ZBTB37: variants seen among roughly 807,000 people sequenced by gnomAD.
ZBTB37 encodes zinc finger and BTB domain-containing protein 37.
ZBTB37 carries 15 observed loss-of-function variants against 37.7 expected under a neutral mutation model. The ratio of observed to expected loss-of-function variants is 0.40; its 90% CI spans 0.27 to 0.61. The LOEUF (loss-of-function observed/expected upper bound fraction) is 0.61, where lower values mean the gene tolerates loss of function less well. ZBTB37 is among the 20% of genes least tolerant of loss of function. The pLI is 0.44. For synonymous variants in ZBTB37, 231 were observed against 220.6 expected, an observed-to-expected ratio of 1.05 and a Z score of -0.42; for missense variants, 514 against 641.9, an observed-to-expected ratio of 0.80 and a Z score of 2.15.
At chr1:173,884,192 C>A (rs770130147) in intron 4 of ZBTB37, among the ~76,000 whole-genome samples, 3 of 150,052 alleles carry the variant, frequency 2.0e-5, no homozygotes. Flanking sequence ...TGCTTTGTCA[C>A]CCAGCCTGGA....
chr1:173,896,542 A>G (rs2102764048), exon 4 of ZBTB37: 1 of 152,360 alleles, frequency 6.6e-6, no homozygotes, highest in South Asian at 2.1e-4. Flanking sequence ...TCATTTAAAT[A>G]ATTCTTAAAT....
chr1:173,882,565 A>G (rs546604715), intron 4 of ZBTB37, among the ~76,000 whole-genome samples: 114 of 152,242 alleles, frequency 7.5e-4, no homozygotes, highest in African/African-American at 2.3e-3. Context: ...TTTGCTGTGC[A>G]GAAGCTCTTT....
At chr1:173,882,934 G>T (rs1384718320) in intron 4 of ZBTB37, among the ~76,000 whole-genome samples, 2 of 152,116 alleles carry the variant, frequency 1.3e-5, no homozygotes, top group South Asian at 2.1e-4. Flanking sequence ...CATTTATTCA[G>T]TACTTTAGTG....
intron 2 of ZBTB37, 39 bp from the exon 3 acceptor site, chr1:173,870,161 T>C (rs778056870): frequency 3.7e-6 from 5 of 1,341,350 alleles, no homozygotes; most frequent in Non-Finnish European, 5.0e-6. Context: ...GAAGTAAAAT[T>C]ATAATTATTA....
intron 4 of ZBTB37, among the ~76,000 whole-genome samples, chr1:173,875,234 C>T (rs1655881675): frequency 2.0e-5 from 3 of 147,048 alleles, no homozygotes; most frequent in South Asian, 4.3e-4. Context: ...ACTATATATA[C>T]TATATATACT....
chr1:173,887,712 GTTCTT>G (rs1656686115), downstream of ZBTB37: 2 of 152,152 alleles, frequency 1.3e-5, no homozygotes. Flanking sequence ...AGTTGTTGGG[GTTCTT>G]TTAAGTATGT....
chr1:173,898,554 C>T (rs972355271), exon 4 of ZBTB37: 4 of 152,030 alleles, frequency 2.6e-5, no homozygotes, highest in African/African-American at 7.2e-5. Context: ...CCACACCTGG[C>T]CCATGATGGA....
At chr1:173,899,973 C>A (rs16846561) in exon 4 of ZBTB37, 1 of 152,082 alleles carries the variant, frequency 6.6e-6, no homozygotes, top group East Asian at 1.9e-4. Flanking sequence ...TCTCTAGAAT[C>A]CTCTTTCTTT....
chr1:173,897,910 TCAAA>T (rs908903027), exon 4 of ZBTB37: 1 of 152,230 alleles, frequency 6.6e-6, no homozygotes, highest in African/African-American at 2.4e-5. Flanking sequence ...GTTGCCCAAA[TCAAA>T]CAATGTCAGA....
chr1:173,881,776 C>A (rs1656322808), intron 4 of ZBTB37, among the ~76,000 whole-genome samples: 2 of 151,952 alleles, frequency 1.3e-5, no homozygotes, highest in African/African-American at 4.8e-5. Flanking sequence ...TCTGTTCGGC[C>A]GGGCGTGGTG....
exon 4 of ZBTB37, chr1:173,893,166 G>A (rs1656912578): frequency 6.6e-6 from 1 of 152,240 alleles, no homozygotes; most frequent in Admixed American, 6.5e-5. Context: ...GCCTCCCAAA[G>A]TGCTGGACTT....
At chr1:173,881,441 A>G (rs529690270) in intron 4 of ZBTB37, among the ~76,000 whole-genome samples, 1 of 152,366 alleles carries the variant, frequency 6.6e-6, no homozygotes, top group Admixed American at 6.5e-5. Context: ...TTATAGCAGC[A>G]TGATTTATAA....
exon 3 of ZBTB37, chr1:173,870,803 C>T: frequency 6.2e-7 from 1 of 1,614,228 alleles, no homozygotes; most frequent in Non-Finnish European, 8.5e-7. Context: ...CCTGAGGAGT[C>T]CACCAGCCCT....
At chr1:173,892,591 G>A (rs1362642039) in exon 4 of ZBTB37, 1 of 152,166 alleles carries the variant, frequency 6.6e-6, no homozygotes, top group Non-Finnish European at 1.5e-5. Flanking sequence ...GTGTAGGCAG[G>A]CTGTCTTTCT....
exon 5 of ZBTB37, chr1:173,885,706 G>C (rs925586490): frequency 1.3e-6 from 2 of 1,551,936 alleles, no homozygotes; most frequent in Non-Finnish European, 1.7e-6. Context: ...GTATCTGAGC[G>C]GTGGTTCCGG....
At chr1:173,902,832 T>G (rs1572083396) in exon 4 of ZBTB37, 1 of 152,298 alleles carries the variant, frequency 6.6e-6, no homozygotes, top group East Asian at 1.9e-4. Context: ...TGAACCAAAT[T>G]TCTTAATGTA....
At chr1:173,884,841 G>A (rs1572069396) in intron 4 of ZBTB37, among the ~76,000 whole-genome samples, 3 of 152,130 alleles carry the variant, frequency 2.0e-5, no homozygotes, top group Non-Finnish European at 2.9e-5. Flanking sequence ...ACTTAAAATT[G>A]TAAAAATTAC....
In ZBTB37 at chr1:173,871,154, T is replaced by A; in HGVS notation, c.923+6T>A. On this transcript the variant is annotated splice_donor_region_variant and intron_variant, in intron 3 of 4. Coordinates refer to ENST00000427304, the Ensembl canonical transcript of ZBTB37. ...ACAAGCAGTGAAGTTGACAGGTAGG[T>A]TTGGTTTGGTTTGGTTTTCCCATGT... The A allele has an allele frequency of 6.4e-7, 1 of 1,568,894 alleles. No individual in the cohort carries two copies. The highest frequency in any genetic ancestry group is 8.6e-7 in the Non-Finnish European group (1 of 1,158,006).
chr1:173,885,536 A>G (rs1656575517), intron 4 of ZBTB37, 100 bp from the exon 5 acceptor site: 2 of 994,242 alleles, frequency 2.0e-6, no homozygotes, highest in South Asian at 1.7e-5. Context: ...CTAAAAAGGT[A>G]CATATATCTT....
Sources: gnomAD v4.1 joint callset for allele counts (sites outside exome capture counted in the v4.1 genomes callset) on GRCh38, gnomAD v4.1.1 for gene constraint, MANE v1.5 for transcripts, NCBI Gene and HGNC (gene_info 2026-07-23, HGNC 2026-07-21) for gene names.